The following EPB41L5 variants were observed in gnomAD, a reference collection of about 807,000 sequenced individuals.
EPB41L5 encodes the protein band 4.1-like protein 5.
In EPB41L5, 55 loss-of-function variants were observed where a neutral mutation model predicts 106.6. The observed-to-expected ratio is 0.52, with a 90% CI of 0.42 to 0.65. EPB41L5 has a LOEUF of 0.65. EPB41L5 is among the 30% of genes least tolerant of loss of function. The pLI is 0.00. For synonymous variants in EPB41L5, 297 were observed against 306.7 expected, an observed-to-expected ratio of 0.97 and a Z score of 0.33; for missense variants, 871 against 882.1, an observed-to-expected ratio of 0.99 and a Z score of 0.16.
At chr2:120,149,283 A>C (rs1686560899) in intron 20 of EPB41L5, among the ~76,000 whole-genome samples, 1 of 152,192 alleles carries the variant, frequency 6.6e-6, no homozygotes, top group African/African-American at 2.4e-5. Context: ...CATTTAGTAC[A>C]TTCTGTATTT....
chr2:120,168,220 A>C (rs1327447446), intron 24 of EPB41L5, among the ~76,000 whole-genome samples: 2 of 152,186 alleles, frequency 1.3e-5, no homozygotes, highest in East Asian at 3.8e-4. Context: ...TTCTTTATCA[A>C]GTCTTTGCTA....
At chr2:120,056,147 G>A (rs959478576) in intron 3 of EPB41L5, among the ~76,000 whole-genome samples, 6 of 151,842 alleles carry the variant, frequency 4.0e-5, no homozygotes, top group African/African-American at 9.7e-5. Context: ...ATGAAAGGTC[G>A]TTGGGTTTTG....
intron 21 of EPB41L5, among the ~76,000 whole-genome samples, chr2:120,162,079 C>T (rs1329497124): frequency 6.6e-6 from 1 of 152,212 alleles, no homozygotes; most frequent in South Asian, 2.1e-4. Context: ...ATTCTACTAC[C>T]TTGGCCTCGC....
intron 2 of EPB41L5, among the ~76,000 whole-genome samples, chr2:120,037,379 C>T (rs979848566): frequency 1.3e-5 from 2 of 152,044 alleles, no homozygotes; most frequent in Non-Finnish European, 2.9e-5. Flanking sequence ...AAAATCCAAA[C>T]GATGTTATTT....
At chr2:120,135,545 A>C (rs1373860385) in intron 18 of EPB41L5, among the ~76,000 whole-genome samples, 1 of 152,190 alleles carries the variant, frequency 6.6e-6, no homozygotes, top group Non-Finnish European at 1.5e-5. Context: ...ACAGCAAGAT[A>C]AAAGAAACAA....
intron 20 of EPB41L5, among the ~76,000 whole-genome samples, chr2:120,155,029 A>G (rs766242239): frequency 2.0e-5 from 3 of 152,242 alleles, no homozygotes; most frequent in Non-Finnish European, 4.4e-5. Context: ...ATAAAAGAGA[A>G]GTTATACCCA....
At chr2:120,065,673 C>T (rs1010853119) in intron 3 of EPB41L5, among the ~76,000 whole-genome samples, 40 of 151,948 alleles carry the variant, frequency 2.6e-4, no homozygotes, top group African/African-American at 7.5e-4. Context: ...CCTGCCACCA[C>T]GCCCAGCTAA....
At chr2:120,087,451 T>G (rs76963875) in intron 11 of EPB41L5, among the ~76,000 whole-genome samples, 3,334 of 152,220 alleles carry the variant, frequency 0.022, 120 homozygotes, top group African/African-American at 0.075. Context: ...TATAAAAGTG[T>G]CTTCTTGTTT....
At chr2:120,073,133 A>C (rs1033238099) in intron 3 of EPB41L5, 45 bp from the exon 4 acceptor site, 2 of 1,552,666 alleles carry the variant, frequency 1.3e-6, no homozygotes, top group Non-Finnish European at 1.8e-6. Context: ...TCAAATTTTA[A>C]AGTTCTGTCA....
chr2:120,123,505 A>G (rs972825443), intron 16 of EPB41L5, among the ~76,000 whole-genome samples: 1 of 152,174 alleles, frequency 6.6e-6, no homozygotes, highest in Non-Finnish European at 1.5e-5. Context: ...TCATTTATAG[A>G]TATAAGAACC....
At chr2:120,168,980 C>CAG (rs1687541750) in intron 24 of EPB41L5, among the ~76,000 whole-genome samples, 1 of 152,120 alleles carries the variant, frequency 6.6e-6, no homozygotes, top group Non-Finnish European at 1.5e-5. Context: ...GAGCTGCACA[C>CAG]AGAGAACCCG....
intron 10 of EPB41L5, among the ~76,000 whole-genome samples, chr2:120,086,322 C>T (rs779293646): frequency 1.3e-5 from 2 of 151,980 alleles, no homozygotes; most frequent in South Asian, 2.1e-4. Flanking sequence ...CACATTGTTT[C>T]GACATTCACA....
At chr2:120,133,404 G>A (rs1046035881) in intron 18 of EPB41L5, among the ~76,000 whole-genome samples, 1 of 152,180 alleles carries the variant, frequency 6.6e-6, no homozygotes, top group Non-Finnish European at 1.5e-5. Flanking sequence ...CCTCCCCTAT[G>A]GAGGAGTGTG....
chr2:120,040,825 G>A (rs948408010), intron 2 of EPB41L5, among the ~76,000 whole-genome samples: 2 of 152,108 alleles, frequency 1.3e-5, no homozygotes, highest in Admixed American at 6.6e-5. Flanking sequence ...ATCTAAAAAA[G>A]CAAAGGACAA....
At chr2:120,115,013 CCTT>C (rs1290971122) in intron 16 of EPB41L5, among the ~76,000 whole-genome samples, 9 of 152,164 alleles carry the variant, frequency 5.9e-5, no homozygotes, top group East Asian at 3.9e-4. Flanking sequence ...TGTAAAATGT[CCTT>C]CTTTGTCTTT....
intron 3 of EPB41L5, among the ~76,000 whole-genome samples, chr2:120,046,504 G>GTT (rs1294255099): frequency 7.0e-6 from 1 of 142,924 alleles, no homozygotes; most frequent in Non-Finnish European, 1.5e-5. Flanking sequence ...TGATGGGGTT[G>GTT]TTTTTTTTTT....
intron 3 of EPB41L5, among the ~76,000 whole-genome samples, chr2:120,052,613 G>A (rs138216797): frequency 2.6e-5 from 4 of 152,168 alleles, no homozygotes; most frequent in African/African-American, 4.8e-5. Context: ...ATTTTCCCAC[G>A]TATGGTCAAT....
At position 120,074,185 on chromosome 2, in the gene EPB41L5, A is replaced by T. The variant is rs750667993; in HGVS notation, c.407+7A>T. 2 of 1,602,672 alleles carry T rather than the reference A, an allele frequency of 1.2e-6. No individual in the cohort carries two copies. The highest frequency in any genetic ancestry group is 1.7e-6 in the Non-Finnish European group (2 of 1,171,642). On this transcript the variant is annotated splice_region_variant and intron_variant, in intron 5 of 24. Transcript: ENST00000263713. ...TTCGTGAGGAGCTAACCCGGTAAGA[A>T]CACCATCTAGAATTGTGCCAGGGTT...
At chr2:120,028,007 C>T (rs187617056) in intron 2 of EPB41L5, among the ~76,000 whole-genome samples, 55 of 151,930 alleles carry the variant, frequency 3.6e-4, no homozygotes, top group African/African-American at 1.2e-3. Flanking sequence ...GGATTACAGG[C>T]GCCCACCACC....
Sources: allele counts gnomAD v4.1 joint callset (sites outside exome capture counted in the v4.1 genomes callset), GRCh38; gene constraint gnomAD v4.1.1; transcripts MANE v1.5; gene names NCBI Gene and HGNC (gene_info 2026-07-23, HGNC 2026-07-21).